DCDC2: variants seen among roughly 807,000 people sequenced by gnomAD.
The protein encoded by DCDC2 is doublecortin domain-containing protein 2.
In DCDC2, 40 loss-of-function variants were observed where a neutral mutation model predicts 50.2. The observed-to-expected ratio is 0.80, with a 90% CI of 0.62 to 1.04. The LOEUF (loss-of-function observed/expected upper bound fraction) is 1.04, where lower values mean the gene tolerates loss of function less well. Ranked by LOEUF, DCDC2 falls within the 50% of genes least tolerant of loss-of-function variation. The probability of loss-of-function intolerance (pLI) is 0.00; values close to 1 mark genes in which losing one functional copy is unlikely to be tolerated. For missense variants in DCDC2, 570 were observed against 581.9 expected (o/e 0.98, Z 0.21); for synonymous variants, 234 against 210.6 (o/e 1.11, Z -0.96).
intron 2 of DCDC2, among the ~76,000 whole-genome samples, chr6:24,324,787 G>A (rs536557583): frequency 6.6e-6 from 1 of 152,112 alleles, no homozygotes; most frequent in Non-Finnish European, 1.5e-5. Flanking sequence ...GGAGGGTGAG[G>A]TGGGAGGAAA....
chr6:24,203,411 G>T (rs1304013489), intron 8 of DCDC2, among the ~76,000 whole-genome samples: 1 of 152,156 alleles, frequency 6.6e-6, no homozygotes, highest in Non-Finnish European at 1.5e-5. Flanking sequence ...AATAAATGGC[G>T]TTGGGAAAAC....
the DCDC2 span, among the ~76,000 whole-genome samples, chr6:24,378,369 T>C: frequency 6.6e-6 from 1 of 151,904 alleles, no homozygotes; most frequent in East Asian, 1.9e-4. Flanking sequence ...GAGCAGAGAG[T>C]GTCTGATGAT....
At chr6:24,216,969 G>A (rs1213701310) in intron 7 of DCDC2, among the ~76,000 whole-genome samples, 1 of 152,182 alleles carries the variant, frequency 6.6e-6, no homozygotes, top group African/African-American at 2.4e-5. Flanking sequence ...GGAAGTAGAA[G>A]AAAGTGAGAA....
chr6:24,326,913 A>G (rs2113855612), intron 2 of DCDC2, among the ~76,000 whole-genome samples: 1 of 149,020 alleles, frequency 6.7e-6, no homozygotes, highest in East Asian at 2.3e-4. Flanking sequence ...TTTAACCCAT[A>G]CCATACTGTA....
At chr6:24,326,840 CA>C (rs1759877181) in intron 2 of DCDC2, among the ~76,000 whole-genome samples, 1 of 140,876 alleles carries the variant, frequency 7.1e-6, no homozygotes, top group African/African-American at 2.6e-5. Context: ...GCCTGGGTGA[CA>C]GAGCGAGACC....
At chr6:24,310,549 C>T (rs1050114234) in intron 2 of DCDC2, among the ~76,000 whole-genome samples, 1 of 152,174 alleles carries the variant, frequency 6.6e-6, no homozygotes, top group Non-Finnish European at 1.5e-5. Flanking sequence ...CGGCTTTTAA[C>T]CCAAACACTC....
chr6:24,196,204 T>C (rs1761434492), intron 8 of DCDC2, among the ~76,000 whole-genome samples: 1 of 137,152 alleles, frequency 7.3e-6, no homozygotes, highest in South Asian at 2.5e-4. Context: ...TTTTTTTTCC[T>C]TTCTGGGTTA....
At chr6:24,226,668 T>A (rs1762240365) in intron 7 of DCDC2, among the ~76,000 whole-genome samples, 1 of 152,256 alleles carries the variant, frequency 6.6e-6, no homozygotes, top group East Asian at 1.9e-4. Context: ...GCAGGAATGC[T>A]CATGGGCAGA....
In DCDC2 at chr6:24,302,082, C is replaced by T. The variant is rs750090643; in HGVS notation, c.349-38G>A. 8 of 1,538,010 alleles carry T rather than the reference C, an allele frequency of 5.2e-6. No homozygotes were observed. The South Asian group carries it at 8.2e-5, about 16-fold the overall frequency. ...AGGAAAAAAAATATAAACCACTAAG[C>T]TTATATTAGCTTTTTTTTTCCTATG... On this transcript the variant is annotated intron_variant, in intron 2 of 9. Coordinates refer to ENST00000378454, the MANE Select transcript of DCDC2 (RefSeq NM_016356.5).
intron 4 of DCDC2, among the ~76,000 whole-genome samples, chr6:24,301,482 A>G (rs1032255477): frequency 6.6e-6 from 1 of 151,878 alleles, no homozygotes. Flanking sequence ...AATCGTTAAT[A>G]TTTGTAGATG....
chr6:24,312,845 T>C (rs891666572), intron 2 of DCDC2, among the ~76,000 whole-genome samples: 1 of 152,196 alleles, frequency 6.6e-6, no homozygotes. Context: ...AAACAGATGA[T>C]ATGCTATTCA....
chr6:24,358,837 A>ATTT (rs10634203), upstream of DCDC2, among the ~76,000 whole-genome samples: 35 of 51,700 alleles, frequency 6.8e-4, no homozygotes, highest in Admixed American at 1.8e-3. Flanking sequence ...ATATTTATAT[A>ATTT]TATATTTATA....
the DCDC2 span, chr6:24,365,777 G>A: frequency 6.6e-6 from 1 of 152,072 alleles, no homozygotes; most frequent in Non-Finnish European, 1.5e-5. Context: ...AAAAAGAAAA[G>A]AATAATAAAA....
At chr6:24,199,126 C>G (rs970024549) in intron 8 of DCDC2, among the ~76,000 whole-genome samples, 1 of 152,220 alleles carries the variant, frequency 6.6e-6, no homozygotes, top group African/African-American at 2.4e-5. Flanking sequence ...CTGAAGAGAG[C>G]AGTGGATCTC....
chr6:24,313,487 TTA>T (rs142260973), intron 2 of DCDC2, among the ~76,000 whole-genome samples: 2,394 of 152,358 alleles, frequency 0.016, 71 homozygotes, highest in African/African-American at 0.053. Flanking sequence ...TGTTTTTGTT[TTA>T]TTTTCCCAAA....
Position 24,174,663 on chromosome 6 carries a change from C to A in DCDC2, c.*67G>T, listed in dbSNP as rs1310813466. On this transcript the variant is annotated 3_prime_UTR_variant, in exon 10 of 10. Transcript: ENST00000378454. ...CATTATATTCAGCAATAACTATGTG[C>A]TTATCTTTCAAGTATGATAACCCTT... is the stretch of plus-strand genomic sequence containing the variant. 1 of 1,090,288 alleles carries A rather than the reference C, an allele frequency of 9.2e-7. No individual in the cohort carries two copies. Among genetic ancestry groups the A allele is most frequent in the South Asian group, 1.4e-5 (1 of 72,046 alleles). 67.5% of individuals were successfully genotyped at this position (1,090,288 alleles called of 1,614,324 possible).
rs1466449522 is a variant in DCDC2, at chr6:24,171,852, T to G, written c.*2878A>C. 1 of 152,224 alleles carries G rather than the reference T, an allele frequency of 6.6e-6. No homozygotes were observed. The highest frequency in any genetic ancestry group is 1.5e-5 in the Non-Finnish European group (1 of 68,028). 9.4% of individuals were successfully genotyped at this position (152,224 alleles called of 1,614,324 possible). A position where few individuals can be genotyped will look rare whatever the true frequency, so the allele number is the denominator to read the frequency against. ...GTTTACAAGTGTCTTAAAATCCAGA[T>G]AAGTTTAACAAAGTGGTTTCATAAA... On this transcript the variant is annotated 3_prime_UTR_variant, in exon 10 of 10. Transcript: ENST00000378454.
chr6:24,208,524 C>A (rs1679663663), intron 7 of DCDC2, among the ~76,000 whole-genome samples: 1 of 152,086 alleles, frequency 6.6e-6, no homozygotes, highest in African/African-American at 2.4e-5. Context: ...GCATGTGCCA[C>A]CACACCTGGC....
chr6:24,328,968 GT>G (rs1272714631), intron 2 of DCDC2, among the ~76,000 whole-genome samples: 1 of 152,108 alleles, frequency 6.6e-6, no homozygotes, highest in African/African-American at 2.4e-5. Context: ...ATAAACATTA[GT>G]TTTTTCCAGT....
Sources: gnomAD v4.1 joint callset for allele counts (sites outside exome capture counted in the v4.1 genomes callset) on GRCh38, gnomAD v4.1.1 for gene constraint, MANE v1.5 for transcripts, NCBI Gene and HGNC (gene_info 2026-07-23, HGNC 2026-07-21) for gene names.